NTRK2: variants seen among roughly 807,000 people sequenced by gnomAD.
The protein encoded by NTRK2 is BDNF/NT-3 growth factors receptor.
A neutral mutation model predicts 94.5 loss-of-function variants in NTRK2; 13 were observed. That is an observed-to-expected ratio of 0.14 (90% CI 0.09 to 0.22). NTRK2 has a LOEUF of 0.22. Among genes scored for constraint, NTRK2 ranks in the 10% least tolerant of loss-of-function variants. The pLI, the probability that NTRK2 is intolerant of heterozygous loss-of-function variation, is 1.00. For missense variants in NTRK2, 639 were observed against 1,071.2 expected (o/e 0.60, Z 5.63); for synonymous variants, 372 against 407.4 (o/e 0.91, Z 1.05).
chr9:84,884,046 C>T (rs970522843), intron 14 of NTRK2, among the ~76,000 whole-genome samples: 3 of 152,140 alleles, frequency 2.0e-5, no homozygotes, highest in Middle Eastern at 3.2e-3. Context: ...GTGATTTGAT[C>T]TGTACAAAAT....
At chr9:84,803,797 A>G (rs1309700095) in intron 12 of NTRK2, among the ~76,000 whole-genome samples, 1 of 152,164 alleles carries the variant, frequency 6.6e-6, no homozygotes, top group Non-Finnish European at 1.5e-5. Context: ...CCACATATGT[A>G]TGTTTCGCAT....
intron 12 of NTRK2, chr9:84,810,726 A>T (rs2071686784): frequency 2.7e-5 from 42 of 1,544,466 alleles, no homozygotes; most frequent in Admixed American, 1.0e-4. Flanking sequence ...CGGTGTTTGG[A>T]GGCTGTACTA....
chr9:84,966,168 A>G (rs1825533749), intron 17 of NTRK2, among the ~76,000 whole-genome samples: 1 of 152,188 alleles, frequency 6.6e-6, no homozygotes, highest in Non-Finnish European at 1.5e-5. Flanking sequence ...ACTAAGAGAA[A>G]ACGTCTGAAA....
intron 14 of NTRK2, among the ~76,000 whole-genome samples, chr9:84,926,220 T>TTCTC (rs2077810618): frequency 7.1e-6 from 1 of 140,906 alleles, no homozygotes; most frequent in Non-Finnish European, 1.6e-5. Context: ...CTTTCTTTCT[T>TTCTC]TCTTTCTTTC....
chr9:84,880,130 G>A (rs561546948), intron 14 of NTRK2, among the ~76,000 whole-genome samples: 1 of 152,272 alleles, frequency 6.6e-6, no homozygotes, highest in Non-Finnish European at 1.5e-5. Flanking sequence ...GAAAAAGCAA[G>A]CTATACCATA....
chr9:84,756,545 T>C (rs960845875), intron 12 of NTRK2, among the ~76,000 whole-genome samples: 3 of 152,266 alleles, frequency 2.0e-5, no homozygotes, highest in Admixed American at 6.5e-5. Flanking sequence ...CTATCAGTTT[T>C]GTGTTATTTA....
intron 13 of NTRK2, 59 bp downstream of exon 13, chr9:84,861,146 T>A: frequency 7.7e-7 from 1 of 1,305,294 alleles, no homozygotes; most frequent in Non-Finnish European, 1.1e-6. Flanking sequence ...TTTATTCGGA[T>A]GAAAATGCTT....
intron 17 of NTRK2, among the ~76,000 whole-genome samples, chr9:85,005,513 G>A (rs970246439): frequency 6.6e-6 from 1 of 152,122 alleles, no homozygotes; most frequent in African/African-American, 2.4e-5. Flanking sequence ...AATATTGCCT[G>A]GAAGTAGCAA....
chr9:84,784,236 G>A (rs1255744280), intron 12 of NTRK2, among the ~76,000 whole-genome samples: 1 of 152,122 alleles, frequency 6.6e-6, no homozygotes, highest in African/African-American at 2.4e-5. Context: ...TAATAATTGT[G>A]CATATTTATG....
intron 12 of NTRK2, among the ~76,000 whole-genome samples, chr9:84,816,795 AAAAAG>A: frequency 6.6e-6 from 1 of 151,580 alleles, no homozygotes; most frequent in Non-Finnish European, 1.5e-5. Context: ...AAAAAAAAAA[AAAAAG>A]AAAAGAAAAA....
At chr9:84,679,804 T>C (rs1234651225) in intron 2 of NTRK2, among the ~76,000 whole-genome samples, 1 of 152,252 alleles carries the variant, frequency 6.6e-6, no homozygotes, top group Non-Finnish European at 1.5e-5. Context: ...CAGTAGGTTT[T>C]CTTTAAGTCC....
intron 12 of NTRK2, among the ~76,000 whole-genome samples, chr9:84,786,620 AC>A (rs1214026008): frequency 6.6e-6 from 1 of 152,166 alleles, no homozygotes; most frequent in Admixed American, 6.5e-5. Context: ...AGGGGGAAAA[AC>A]AAAAACCCTA....
chr9:84,957,069 C>G (rs1824229992), intron 17 of NTRK2, among the ~76,000 whole-genome samples: 2 of 152,130 alleles, frequency 1.3e-5, no homozygotes, highest in Non-Finnish European at 2.9e-5. Context: ...ATGGTCTCCT[C>G]TGCTAGTTCT....
chr9:84,799,045 G>T (rs1057062922), intron 12 of NTRK2, among the ~76,000 whole-genome samples: 14 of 151,220 alleles, frequency 9.3e-5, no homozygotes, highest in Admixed American at 9.2e-4. Context: ...CAGTCATTTG[G>T]GTATTCCACC....
intron 2 of NTRK2, among the ~76,000 whole-genome samples, chr9:84,682,594 A>G (rs2059455341): frequency 6.6e-6 from 1 of 151,814 alleles, no homozygotes; most frequent in Non-Finnish European, 1.5e-5. Flanking sequence ...CCCAAATTCG[A>G]CCTCGAGAGC....
At chr9:84,682,035 G>T (rs989125581) in intron 2 of NTRK2, among the ~76,000 whole-genome samples, 48 of 152,110 alleles carry the variant, frequency 3.2e-4, no homozygotes, top group African/African-American at 1.1e-3. Context: ...ATGTTAAATG[G>T]CATTAAGCTA....
chr9:84,836,079 CA>C (rs572561324), intron 12 of NTRK2, among the ~76,000 whole-genome samples: 295 of 152,322 alleles, frequency 1.9e-3, no homozygotes, highest in African/African-American at 6.8e-3. Context: ...ACCATTCTAG[CA>C]AACACCATAG....
intron 12 of NTRK2, among the ~76,000 whole-genome samples, chr9:84,763,558 C>T (rs1045127043): frequency 6.6e-6 from 1 of 152,030 alleles, no homozygotes; most frequent in Non-Finnish European, 1.5e-5. Context: ...CACCTAGATT[C>T]AACTTCTGCT....
At chr9:84,882,719 T>TGTGTGTGCGCGCGC (rs761042296) in intron 14 of NTRK2, among the ~76,000 whole-genome samples, 5 of 145,830 alleles carry the variant, frequency 3.4e-5, no homozygotes, top group East Asian at 2.0e-4. Context: ...TGTGTGTGTG[T>TGTGTGTGCGCGCGC]GCGCGCGCGC....
Sources: gnomAD v4.1 joint callset for allele counts (sites outside exome capture counted in the v4.1 genomes callset) on GRCh38, gnomAD v4.1.1 for gene constraint, MANE v1.5 for transcripts, NCBI Gene and HGNC (gene_info 2026-07-23, HGNC 2026-07-21) for gene names.